The following ITGA8 variants were observed in gnomAD, a reference collection of about 807,000 sequenced individuals.
ITGA8 encodes integrin subunit alpha 8.
ITGA8 carries 91 observed loss-of-function variants against 142.3 expected under a neutral mutation model. The observed-to-expected ratio is 0.64, with a 90% confidence interval of 0.54 to 0.76. The LOEUF is 0.76. Ranked by LOEUF, ITGA8 falls within the 30% of genes least tolerant of loss-of-function variation. ITGA8 has a pLI of 0.00. For missense variants in ITGA8, 1,406 were observed against 1,327.7 expected (o/e 1.06, Z -0.92); for synonymous variants, 505 against 485.2 (o/e 1.04, Z -0.54).
chr10:15,687,455 T>C (rs956837784), intron 3 of ITGA8, among the ~76,000 whole-genome samples: 8 of 152,210 alleles, frequency 5.3e-5, no homozygotes, highest in African/African-American at 1.4e-4. Context: ...GAATGAGTGT[T>C]TTTACTTTAA....
rs769686045 is a variant in ITGA8, at chr10:15,548,443, G to C, written c.2880+12C>G. ...TGAGCAGTGTGTATGTGCTTCTGTG[G>C]TTGTTTATTACCTGGAGGAAGGTGT... On this transcript the variant is annotated intron_variant, in intron 27 of 29. Transcript: ENST00000378076. The C allele has an allele frequency of 1.9e-6, 3 of 1,584,596 alleles. No individual in the cohort carries two copies. In the East Asian group the frequency reaches 6.8e-5, roughly 36 times the overall value.
rs760847703 is a variant in ITGA8 at position 15,597,227 on chromosome 10, G to A, written c.2191C>T (p.Pro731Ser). ...CTTACATTTGTTCCAGACACCATAG[G>A]GTTCCCAAGGTCACACACCACCATC... Reference protein sequence around the residue: ...TRMVVCDLGNPMVSGTNYSLG... With the variant: ...TRMVVCDLGNSMVSGTNYSLG... Residue 731 changes from proline to serine, a missense_variant, in exon 21 of 30, where the codon CCT becomes TCT. Physicochemically the swap from Pro to Ser is moderately conservative, Grantham distance 74. Coordinates refer to ENST00000378076, the MANE Select transcript of ITGA8 (RefSeq NM_003638.3). The A allele has an allele frequency of 6.2e-7, 1 of 1,613,624 alleles. No homozygotes were observed. The highest frequency in any genetic ancestry group is 8.5e-7 in the Non-Finnish European group (1 of 1,179,664).
chr10:15,713,656 A>G (rs999281203), intron 2 of ITGA8, among the ~76,000 whole-genome samples: 1 of 152,136 alleles, frequency 6.6e-6, no homozygotes, highest in Non-Finnish European at 1.5e-5. Context: ...GGCACACCGA[A>G]CACTATAAAA....
chr10:15,604,875 A>G (rs1321714679), intron 19 of ITGA8, among the ~76,000 whole-genome samples: 1 of 152,200 alleles, frequency 6.6e-6, no homozygotes, highest in Non-Finnish European at 1.5e-5. Context: ...GGCAGATACA[A>G]TAAGATCTTA....
rs139620664 is a variant in ITGA8, at chr10:15,646,928, C to A, written c.1125G>T (p.Gln375His). The change falls in exon 12 of 30, where the codon CAG (glutamine) becomes CAT (histidine). Residue 375 changes from glutamine (Q) to histidine (H), a missense_variant. Transcript: ENST00000378076. ...QVSSLLFRDP[Q>H]ILTGTETFGR... is the part of the protein sequence containing the mutation. ...CAAACGTCTCGGTGCCAGTGAGGAT[C>A]TGGGGGTCTCTGAAGAGGAGAGAGC... is the stretch of plus-strand genomic sequence containing the variant. 31 of 1,613,956 alleles carry A rather than the reference C, an allele frequency of 1.9e-5. No individual in the cohort carries two copies. Among genetic ancestry groups the A allele is most frequent in the Non-Finnish European group, 2.5e-5 (30 of 1,180,024 alleles).
chr10:15,664,599 T>C (rs989808575), intron 8 of ITGA8, among the ~76,000 whole-genome samples: 11 of 151,922 alleles, frequency 7.2e-5, no homozygotes, highest in Non-Finnish European at 1.5e-4. Flanking sequence ...ATGTGCCATG[T>C]TGGTGTGCTG....
chr10:15,565,680 C>G (rs1328197603), intron 25 of ITGA8, among the ~76,000 whole-genome samples: 1 of 143,436 alleles, frequency 7.0e-6, no homozygotes, highest in Non-Finnish European at 1.5e-5. Context: ...ACCTCTGTCT[C>G]CCGGGTTCAA....
chr10:15,549,762 T>C (rs1194153704), intron 26 of ITGA8, among the ~76,000 whole-genome samples: 2 of 152,182 alleles, frequency 1.3e-5, no homozygotes, highest in African/African-American at 4.8e-5. Flanking sequence ...TTTAATGAAA[T>C]TGATATAACA....
chr10:15,670,227 C>T (rs889559156), intron 8 of ITGA8, among the ~76,000 whole-genome samples: 3 of 152,238 alleles, frequency 2.0e-5, no homozygotes, highest in Non-Finnish European at 2.9e-5. Context: ...ATGGTAAATA[C>T]TGATTGATGA....
At chr10:15,690,381 G>C (rs577805385) in intron 2 of ITGA8, among the ~76,000 whole-genome samples, 2 of 152,120 alleles carry the variant, frequency 1.3e-5, no homozygotes, top group Non-Finnish European at 2.9e-5. Flanking sequence ...CCATGCCAGC[G>C]CTGCACCCTC....
At chr10:15,691,106 AATC>A (rs1834926050) in intron 2 of ITGA8, among the ~76,000 whole-genome samples, 2 of 152,190 alleles carry the variant, frequency 1.3e-5, no homozygotes, top group African/African-American at 4.8e-5. Context: ...TAACATCCCT[AATC>A]ATCAGGGATA....
intron 27 of ITGA8, among the ~76,000 whole-genome samples, chr10:15,532,238 T>C (rs1177387762): frequency 6.6e-6 from 1 of 151,704 alleles, no homozygotes; most frequent in African/African-American, 2.4e-5. Context: ...ACCAGGATGG[T>C]GAAACCCTGT....
intron 10 of ITGA8, 110 bp from the exon 11 acceptor site, chr10:15,655,516 A>G: frequency 1.3e-6 from 1 of 783,908 alleles, no homozygotes; most frequent in Non-Finnish European, 2.2e-6. Flanking sequence ...TTTTGCATTG[A>G]AATTCATAGA....
intron 15 of ITGA8, 73 bp from the exon 16 acceptor site, chr10:15,608,363 C>T: frequency 1.2e-6 from 1 of 834,040 alleles, no homozygotes; most frequent in Middle Eastern, 2.5e-4. Flanking sequence ...TTTACCTAAT[C>T]CCAGATAACG....
intron 13 of ITGA8, 134 bp downstream of exon 13, chr10:15,643,896 T>TA (rs569112089): frequency 7.2e-4 from 498 of 695,360 alleles, no homozygotes; most frequent in Non-Finnish European, 6.5e-4. Context: ...AATCGTACAT[T>TA]AAAAAAGCCT....
chr10:15,678,127 A>C (rs1221755997), intron 5 of ITGA8, among the ~76,000 whole-genome samples: 1 of 152,196 alleles, frequency 6.6e-6, no homozygotes, highest in South Asian at 2.1e-4. Flanking sequence ...TCATGAATTG[A>C]CATCCTCACC....
intron 23 of ITGA8, among the ~76,000 whole-genome samples, chr10:15,584,997 T>G (rs1832798049): frequency 6.6e-6 from 1 of 151,980 alleles, no homozygotes; most frequent in African/African-American, 2.4e-5. Context: ...GAGGTTGCAG[T>G]GAGCCGAGAT....
chr10:15,538,643 TATAATA>T (rs926931458), intron 27 of ITGA8, among the ~76,000 whole-genome samples: 4 of 151,374 alleles, frequency 2.6e-5, no homozygotes, highest in African/African-American at 9.7e-5. Flanking sequence ...AAACTTAAAG[TATAATA>T]ATAATAATAA....
intron 28 of ITGA8, among the ~76,000 whole-genome samples, chr10:15,529,969 G>T (rs567318570): frequency 1.3e-5 from 2 of 152,342 alleles, no homozygotes; most frequent in East Asian, 3.9e-4. Flanking sequence ...GAGTAACAAG[G>T]TCTGGGGGAC....
Sources: gnomAD v4.1 joint callset for allele counts (sites outside exome capture counted in the v4.1 genomes callset) on GRCh38, gnomAD v4.1.1 for gene constraint, MANE v1.5 for transcripts, NCBI Gene and HGNC (gene_info 2026-07-23, HGNC 2026-07-21) for gene names.